Variants in GPBP1 observed in about 807,000 individuals in gnomAD.
GPBP1 encodes vasculin.
GPBP1 carries 13 observed loss-of-function variants against 56.5 expected under a neutral mutation model. That is an observed-to-expected ratio of 0.23 (90% confidence interval 0.15 to 0.37). GPBP1 has a LOEUF of 0.37. GPBP1 is among the 10% of genes least tolerant of loss of function. The probability of loss-of-function intolerance (pLI) is 1.00; values close to 1 mark genes in which losing one functional copy is unlikely to be tolerated. For synonymous variants in GPBP1, 204 were observed against 188.9 expected, an observed-to-expected ratio of 1.08 and a Z score of -0.66; for missense variants, 477 against 572.3, an observed-to-expected ratio of 0.83 and a Z score of 1.70.
chr5:57,221,381 G>A, intron 3 of GPBP1: 1 of 1,532,878 alleles, frequency 6.5e-7, no homozygotes. Flanking sequence ...AATAGGTCCT[G>A]ACCAGCAGTT....
chr5:57,260,961 C>G (rs1040202845), intron 10 of GPBP1, among the ~76,000 whole-genome samples: 1 of 152,168 alleles, frequency 6.6e-6, no homozygotes, highest in African/African-American at 2.4e-5. Flanking sequence ...ATTAAGCAGT[C>G]AAGGAGTTCA....
chr5:57,256,250 A>G (rs1741655046), intron 10 of GPBP1, among the ~76,000 whole-genome samples: 1 of 152,106 alleles, frequency 6.6e-6, no homozygotes, highest in Admixed American at 6.6e-5. Flanking sequence ...GCAAGACTCC[A>G]TTCTCAAAAA....
intron 8 of GPBP1, 111 bp downstream of exon 8, chr5:57,247,326 C>A: frequency 1.1e-6 from 1 of 909,580 alleles, no homozygotes; most frequent in Non-Finnish European, 1.6e-6. Flanking sequence ...GAGTTTCATT[C>A]CTTCAGAAAA....
At chr5:57,181,429 T>A (rs1277469185) in intron 2 of GPBP1, among the ~76,000 whole-genome samples, 11 of 130,466 alleles carry the variant, frequency 8.4e-5, no homozygotes, top group African/African-American at 3.0e-4. Flanking sequence ...GTGACAAGAC[T>A]GTGTCAAAAA....
chr5:57,234,014 A>G (rs758425358), intron 5 of GPBP1, among the ~76,000 whole-genome samples: 22 of 152,312 alleles, frequency 1.4e-4, no homozygotes, highest in Non-Finnish European at 2.1e-4. Context: ...TTGGCAGAGT[A>G]TAATTTCTAA....
chr5:57,176,371 A>G lies in GPBP1; in HGVS notation c.-87A>G, dbSNP rs1386492582. 5 of 189,570 alleles carry G rather than the reference A, an allele frequency of 2.6e-5. No individual in the cohort carries two copies. Among genetic ancestry groups the G allele is most frequent in the Admixed American group, 1.8e-4 (3 of 16,358 alleles). 11.7% of individuals were successfully genotyped at this position (189,570 alleles called of 1,614,324 possible). On this transcript the variant is annotated 5_prime_UTR_variant, in exon 2 of 12. Transcript: ENST00000506184. ...AATAAAGATTACAGAGAAAAAACCA[A>G]CACCTTCCTGTGCAGTCCTGTTGGA...
rs769136941 is a variant in GPBP1, at chr5:57,262,847, GA to G, written c.*98del. The G allele has an allele frequency of 8.9e-7, 1 of 1,123,842 alleles. No homozygotes were observed. The highest frequency in any genetic ancestry group is 2.4e-5 in the East Asian group (1 of 40,830). The allele number at this position is 1,123,842 out of a possible 1,614,324, so 69.6% of individuals were successfully genotyped here. On this transcript the variant is annotated 3_prime_UTR_variant, in exon 12 of 12. Coordinates refer to ENST00000506184, the MANE Select transcript of GPBP1 (RefSeq NM_022913.4). Reference sequence around the variant, plus strand: ...AATGAAGAACTATAATTTATGTAGTGAAATACCCCATTAGAAGAGGATTTTT... The same window carrying G: ...AATGAAGAACTATAATTTATGTAGTGAATACCCCATTAGAAGAGGATTTTT...
At chr5:57,249,640 A>T in intron 9 of GPBP1, 64 bp downstream of exon 9, 1 of 1,307,328 alleles carries the variant, frequency 7.6e-7, no homozygotes, top group East Asian at 2.5e-5. Flanking sequence ...TTGAGCATGT[A>T]TTAGGACCTT....
chr5:57,242,788 C>A (rs1025496329), intron 6 of GPBP1, among the ~76,000 whole-genome samples: 4 of 152,174 alleles, frequency 2.6e-5, no homozygotes, highest in Admixed American at 6.5e-5. Flanking sequence ...CTCACACTGT[C>A]GCCCTGGCTG....
intron 2 of GPBP1, among the ~76,000 whole-genome samples, chr5:57,204,754 A>G (rs1755159080): frequency 6.6e-6 from 1 of 152,166 alleles, no homozygotes; most frequent in African/African-American, 2.4e-5. Context: ...GATGTTGTTC[A>G]CTTTAATTTG....
chr5:57,244,392 G>C (rs947735012), intron 6 of GPBP1, among the ~76,000 whole-genome samples: 1 of 152,146 alleles, frequency 6.6e-6, no homozygotes, highest in African/African-American at 2.4e-5. Flanking sequence ...AGATAAACTT[G>C]TGTGCTTAGC....
intron 10 of GPBP1, among the ~76,000 whole-genome samples, chr5:57,257,120 A>C (rs1741700202): frequency 6.8e-6 from 1 of 147,958 alleles, no homozygotes; most frequent in African/African-American, 2.5e-5. Context: ...TGCAACCTCC[A>C]CCTCCCGGGT....
intron 6 of GPBP1, 129 bp from the exon 7 acceptor site, chr5:57,246,171 A>G (rs1295883333): frequency 5.3e-6 from 3 of 571,216 alleles, no homozygotes; most frequent in Non-Finnish European, 9.2e-6. Flanking sequence ...TAGTTTAGTT[A>G]TTTTACCCAG....
chr5:57,235,330 C>T (rs1371988265), intron 5 of GPBP1, among the ~76,000 whole-genome samples: 1 of 151,846 alleles, frequency 6.6e-6, no homozygotes, highest in East Asian at 1.9e-4. Flanking sequence ...TGATTTTCCT[C>T]TTCTCTGATC....
At chr5:57,252,482 C>T (rs1741442371) in intron 10 of GPBP1, among the ~76,000 whole-genome samples, 1 of 151,916 alleles carries the variant, frequency 6.6e-6, no homozygotes, top group South Asian at 2.1e-4. Context: ...CCTCTGTCTC[C>T]CAGGGTCAAG....
intron 2 of GPBP1, among the ~76,000 whole-genome samples, chr5:57,186,804 C>G (rs1754306272): frequency 6.6e-6 from 1 of 152,118 alleles, no homozygotes; most frequent in South Asian, 2.1e-4. Context: ...TTACTGGACT[C>G]ATGGGATCCT....
At chr5:57,205,091 C>G (rs554114261) in intron 2 of GPBP1, among the ~76,000 whole-genome samples, 4 of 152,170 alleles carry the variant, frequency 2.6e-5, no homozygotes, top group Middle Eastern at 3.2e-3. Context: ...AAAACTGTCT[C>G]TAAGCAGTCA....
intron 2 of GPBP1, among the ~76,000 whole-genome samples, chr5:57,176,869 T>A (rs1753808655): frequency 6.6e-6 from 1 of 152,226 alleles, no homozygotes; most frequent in Non-Finnish European, 1.5e-5. Flanking sequence ...TGGAGTTACA[T>A]AGTTTGGTTA....
intron 5 of GPBP1, 117 bp from the exon 6 acceptor site, chr5:57,235,849 A>T (rs962789183): frequency 1.3e-5 from 10 of 741,986 alleles, no homozygotes; most frequent in Non-Finnish European, 2.1e-5. Context: ...GGGTTATTCA[A>T]CCTGTAGCTA....
Sources: gnomAD v4.1 joint callset for allele counts (sites outside exome capture counted in the v4.1 genomes callset) on GRCh38, gnomAD v4.1.1 for gene constraint, MANE v1.5 for transcripts, NCBI Gene and HGNC (gene_info 2026-07-23, HGNC 2026-07-21) for gene names.